ERP44: variants seen among roughly 807,000 people sequenced by gnomAD.
ERP44 encodes endoplasmic reticulum resident protein 44.
ERP44 carries 25 observed loss-of-function variants against 53.4 expected under a neutral mutation model. The ratio of observed to expected loss-of-function variants is 0.47; its 90% CI spans 0.34 to 0.65. The LOEUF (loss-of-function observed/expected upper bound fraction) is 0.65. ERP44 is among the 30% of genes least tolerant of loss of function. The probability of loss-of-function intolerance (pLI) is 0.01; values close to 1 mark genes in which losing one functional copy is unlikely to be tolerated. For synonymous variants in ERP44, 145 were observed against 161.2 expected, an observed-to-expected ratio of 0.90 and a Z score of 0.76; for missense variants, 338 against 493.2, an observed-to-expected ratio of 0.69 and a Z score of 2.98.
chr9:100,069,761 T>C (rs1338862208), intron 1 of ERP44, among the ~76,000 whole-genome samples: 1 of 152,190 alleles, frequency 6.6e-6, no homozygotes, highest in South Asian at 2.1e-4. Flanking sequence ...ATCCTTAATC[T>C]CAAATTCTGC....
chr9:99,988,938 G>A (rs1052244307), intron 10 of ERP44, among the ~76,000 whole-genome samples: 2 of 152,190 alleles, frequency 1.3e-5, no homozygotes, highest in Non-Finnish European at 2.9e-5. Context: ...GCTAGCTAGC[G>A]CAGCAGTCCG....
At chr9:100,081,997 TACAC>T (rs888752086) in intron 1 of ERP44, among the ~76,000 whole-genome samples, 112 of 151,068 alleles carry the variant, frequency 7.4e-4, no homozygotes, top group Non-Finnish European at 1.5e-3. Context: ...ATTAATAACA[TACAC>T]ACACACAAAA....
At chr9:100,037,972 A>AATAGTGGGATAACATCCCACTATTATT (rs1227925547) in intron 4 of ERP44, among the ~76,000 whole-genome samples, 14 of 152,192 alleles carry the variant, frequency 9.2e-5, no homozygotes, top group Non-Finnish European at 1.8e-4. Flanking sequence ...TTTATCCCAG[A>AATAGTGGGATAACATCCCACTATTATT]ATAGTGGGAT....
chr9:100,036,186 C>T (rs1587970272), intron 4 of ERP44, among the ~76,000 whole-genome samples: 1 of 152,170 alleles, frequency 6.6e-6, no homozygotes, highest in South Asian at 2.1e-4. Context: ...AAATGTGGTA[C>T]ATATACACAA....
chr9:100,045,694 T>G (rs1825958929), intron 4 of ERP44, among the ~76,000 whole-genome samples: 1 of 152,074 alleles, frequency 6.6e-6, no homozygotes, highest in African/African-American at 2.4e-5. Flanking sequence ...GCAGACAGAC[T>G]AAAGTACTCA....
intron 4 of ERP44, among the ~76,000 whole-genome samples, chr9:100,025,633 T>A (rs1830643125): frequency 6.6e-6 from 1 of 152,138 alleles, no homozygotes; most frequent in African/African-American, 2.4e-5. Flanking sequence ...AAAGGATATT[T>A]AAATAAACAA....
chr9:99,998,340 AC>A, intron 10 of ERP44: 1 of 543,404 alleles, frequency 1.8e-6, no homozygotes, highest in Non-Finnish European at 3.4e-6. Context: ...CTGTCCCCGA[AC>A]CTTTTGCCTT....
intron 10 of ERP44, among the ~76,000 whole-genome samples, chr9:99,993,706 A>G (rs1830279935): frequency 6.6e-6 from 1 of 152,234 alleles, no homozygotes; most frequent in South Asian, 2.1e-4. Flanking sequence ...AAAAGAAACT[A>G]CCATCAGAGT....
chr9:99,981,083 T>TCTAA lies in ERP44; in HGVS notation c.*1525_*1528dup, dbSNP rs1830143913. The TCTAA allele has an allele frequency of 6.6e-6, 1 of 151,842 alleles. No individual in the cohort carries two copies. The highest frequency in any genetic ancestry group is 1.5e-5 in the Non-Finnish European group (1 of 67,886). 9.4% of individuals were successfully genotyped at this position (151,842 alleles called of 1,614,324 possible). On this transcript the variant is annotated 3_prime_UTR_variant, in exon 12 of 12. Coordinates refer to ENST00000262455, the MANE Select transcript of ERP44 (RefSeq NM_015051.3). ...CATAATCTAACCTGAAGACCATAAC[T>TCTAA]CTAACTTCATTTAACTTATTGGTTA...
intron 1 of ERP44, among the ~76,000 whole-genome samples, chr9:100,098,359 T>C (rs1381218380): frequency 2.0e-5 from 3 of 152,104 alleles, no homozygotes; most frequent in Non-Finnish European, 4.4e-5. Context: ...GCTTCAGGGA[T>C]CTAGACCCAG....
chr9:100,010,335 TG>T (rs1329479892), intron 8 of ERP44, among the ~76,000 whole-genome samples: 22 of 152,352 alleles, frequency 1.4e-4, no homozygotes, highest in African/African-American at 5.3e-4. Context: ...AATGGTTAAA[TG>T]GTTGCTTACA....
Position 100,020,676 on chromosome 9 carries a change from C to G in ERP44, c.527G>C (p.Arg176Thr), listed in dbSNP as rs1176275130. Residue 176 changes from arginine (R) to threonine (T), a missense_variant, in exon 6 of 12, where the codon AGA (arginine) becomes ACA (threonine). Arg to Thr is a moderately conservative substitution (Grantham distance 71). Coordinates refer to ENST00000262455, the MANE Select transcript of ERP44 (RefSeq NM_015051.3). ...AATATTCGCTACTCGTTCAAAAACT[C>G]TATAGTTGTCCGAGTCCTTTTGCTC... ...YFEQKDSDNY[R>T]VFERVANILH... 2 of 1,611,374 alleles carry G rather than the reference C, an allele frequency of 1.2e-6. No individual in the cohort carries two copies. Among genetic ancestry groups the G allele is most frequent in the Non-Finnish European group, 1.7e-6 (2 of 1,178,056 alleles).
chr9:100,060,354 C>G (rs1328587884), intron 1 of ERP44, among the ~76,000 whole-genome samples, 182 bp from the exon 2 acceptor site: 3 of 152,028 alleles, frequency 2.0e-5, no homozygotes. Flanking sequence ...GAAATATTAG[C>G]TTCTCAAACC....
chr9:100,026,433 A>G (rs1402064872), intron 4 of ERP44, among the ~76,000 whole-genome samples: 1 of 152,242 alleles, frequency 6.6e-6, no homozygotes, highest in Non-Finnish European at 1.5e-5. Context: ...TACTAGAGAC[A>G]ACTGATTAAT....
intron 4 of ERP44, among the ~76,000 whole-genome samples, chr9:100,049,175 C>T (rs7022643): frequency 0.19 from 29,010 of 151,984 alleles, 4,424 homozygotes; most frequent in African/African-American, 0.43. Context: ...TTTCAGAAGC[C>T]GAGGAGGAAC....
At chr9:99,987,817 G>A (rs145955243) in intron 10 of ERP44, among the ~76,000 whole-genome samples, 1 of 150,200 alleles carries the variant, frequency 6.7e-6, no homozygotes, top group Non-Finnish European at 1.5e-5. Context: ...AGCCATTTTT[G>A]TATGTATAAA....
chr9:100,096,477 C>T (rs1048052255), intron 1 of ERP44, among the ~76,000 whole-genome samples: 2 of 151,666 alleles, frequency 1.3e-5, no homozygotes, highest in African/African-American at 4.8e-5. Context: ...GTTTAGTTAC[C>T]CATCCAGAAA....
chr9:100,014,970 G>A (rs1830513771), intron 8 of ERP44, among the ~76,000 whole-genome samples: 1 of 152,152 alleles, frequency 6.6e-6, no homozygotes, highest in African/African-American at 2.4e-5. Context: ...TGTCTTCTAG[G>A]CTGCAGACTG....
chr9:100,013,244 C>T (rs1278677461), intron 8 of ERP44, among the ~76,000 whole-genome samples: 1 of 152,084 alleles, frequency 6.6e-6, no homozygotes, highest in Non-Finnish European at 1.5e-5. Flanking sequence ...TGAAATTATA[C>T]TCTTTCTTAA....
Sources: allele counts gnomAD v4.1 joint callset (sites outside exome capture counted in the v4.1 genomes callset), GRCh38; gene constraint gnomAD v4.1.1; transcripts MANE v1.5; gene names NCBI Gene and HGNC (gene_info 2026-07-23, HGNC 2026-07-21).